Variants in EPHA8 observed in about 807,000 individuals in gnomAD.
EPHA8 encodes ephrin type-A receptor 8.
In EPHA8, 58 loss-of-function variants were observed where a neutral mutation model predicts 103.6. The observed-to-expected ratio is 0.56, with a 90% CI of 0.45 to 0.70. The LOEUF is 0.70. Among genes scored for constraint, EPHA8 ranks in the 30% least tolerant of loss-of-function variants. The probability of loss-of-function intolerance (pLI) is 0.00; values close to 1 mark genes in which losing one functional copy is unlikely to be tolerated. For synonymous variants in EPHA8, 559 were observed against 572.5 expected (o/e 0.98, Z 0.34); for missense variants, 1,304 against 1,395.2 (o/e 0.93, Z 1.04).
chr1:22,601,295 C>T lies in EPHA8; in HGVS notation c.2730-5C>T, dbSNP rs368068168. 2.5e-6 allele frequency: 4 copies of T among 1,593,900 alleles called. No homozygotes were observed. Among genetic ancestry groups the T allele is most frequent in the Admixed American group, 1.9e-5 (1 of 53,232 alleles). The stretch of plus-strand genomic sequence containing the variant: ...GGCCACTTACCAAGAGCCCCTGTGC[C>T]TCAGGTGCCCACCCCCTGCCTTCGT... On this transcript the variant is annotated splice_polypyrimidine_tract_variant and splice_region_variant and intron_variant, in intron 15 of 16. Transcript: ENST00000166244.
chr1:22,596,075 G>A, intron 8 of EPHA8, 31 bp from the exon 9 acceptor site: 1 of 1,611,066 alleles, frequency 6.2e-7, no homozygotes, highest in Non-Finnish European at 8.5e-7. Context: ...GGGTGGCCTG[G>A]CCTCAGGCAG....
chr1:22,579,155 G>A (rs1266726719), intron 3 of EPHA8, among the ~76,000 whole-genome samples: 4 of 150,710 alleles, frequency 2.7e-5, no homozygotes, highest in Non-Finnish European at 5.9e-5. Context: ...ATGTGCAAGA[G>A]TGTATGTATG....
chr1:22,587,661 G>A (rs1050263686), intron 4 of EPHA8, among the ~76,000 whole-genome samples: 1 of 152,214 alleles, frequency 6.6e-6, no homozygotes, highest in Non-Finnish European at 1.5e-5. Context: ...CTGGGCTCTT[G>A]TGGTAGGGCA....
Position 22,589,779 on chromosome 1 carries a change from C to A in EPHA8, c.1315+573C>A, listed in dbSNP as rs2148254480. Among the ~76,000 whole-genome samples the A allele has an allele frequency of 6.6e-6, 1 of 152,202 alleles. No individual in the cohort carries two copies. The highest frequency in any genetic ancestry group is 1.5e-5 in the Non-Finnish European group (1 of 68,004). On this transcript the variant is annotated intron_variant, in intron 5 of 16. Coordinates refer to ENST00000166244, the MANE Select transcript of EPHA8 (RefSeq NM_020526.5). The surrounding 1 kb of genome is among the most constrained non-coding windows in gnomAD (Gnocchi z 4.3). The stretch of plus-strand genomic sequence containing the variant: ...CTCTTTCTTCCCAAACTCTGGAGGA[C>A]CCTGCCCGTCAAGTGACAGCGTGAC...
chr1:22,563,886 G>A lies in EPHA8; in HGVS notation c.94+157G>A, dbSNP rs113298037. Among the ~76,000 whole-genome samples the A allele has an allele frequency of 0.018, 2,665 of 152,108 alleles. 90 individuals carry two copies. The highest frequency in any genetic ancestry group is 0.06 in the African/African-American group (2,488 of 41,504). On this transcript the variant is annotated intron_variant, in intron 1 of 16. Coordinates refer to ENST00000166244, the MANE Select transcript of EPHA8 (RefSeq NM_020526.5). The surrounding 1 kb of genome is among the most constrained non-coding windows in gnomAD (Gnocchi z 4.4). ...GGGGTGGCACCGCGGAAGAGACCCG[G>A]GATTAAGGGACAGAGCGGTGGAGAT...
rs1641546990 is a variant in EPHA8, at chr1:22,597,363, A to G, written c.1817A>G (p.Glu606Gly). ...CATCACCCCCCGGGAAAGCTCCCAG[A>G]GCCCCAGTTCTATGCGGAACCCCAC... Reference protein sequence around the residue: ...PLHHPPGKLPEPQFYAEPHTY... With the variant: ...PLHHPPGKLPGPQFYAEPHTY... The change falls in exon 10 of 17, where the codon GAG (glutamate) becomes GGG (glycine). Residue 606 changes from glutamate to glycine, a missense_variant. Transcript: ENST00000166244. This position sits in a 1 kb window ranked among gnomAD's most constrained non-coding sequence, Gnocchi z 4.6. 1 of 1,612,560 alleles carries G rather than the reference A, an allele frequency of 6.2e-7. No individual in the cohort carries two copies. The highest frequency in any genetic ancestry group is 2.2e-5 in the East Asian group (1 of 44,852).
At chr1:22,579,310 A>C (rs1389730589) in intron 3 of EPHA8, among the ~76,000 whole-genome samples, 1 of 145,526 alleles carries the variant, frequency 6.9e-6, no homozygotes, top group Admixed American at 6.8e-5. Context: ...TGTGTACATG[A>C]GTGTATATAT....
In EPHA8 at chr1:22,600,790, T is replaced by C; in HGVS notation, c.2518T>C (p.Trp840Arg). 1 of 1,609,720 alleles carries C rather than the reference T, an allele frequency of 6.2e-7. No individual in the cohort carries two copies. The highest frequency in any genetic ancestry group is 1.1e-5 in the South Asian group (1 of 90,398). ...GCTGGCCTATGGGGAGCGGCCCTAC[T>C]GGAACATGACCAACCGGGATGTGAG... is the stretch of plus-strand genomic sequence containing the variant. ...EVLAYGERPY[W>R]NMTNRDVISS... Residue 840 changes from tryptophan (W) to arginine (R), a missense_variant, in exon 14 of 17, where the codon TGG becomes CGG. Coordinates refer to ENST00000166244, the MANE Select transcript of EPHA8 (RefSeq NM_020526.5).
chr1:22,586,391 C>T, intron 3 of EPHA8, 89 bp from the exon 4 acceptor site: 1 of 1,496,964 alleles, frequency 6.7e-7, no homozygotes, highest in Non-Finnish European at 9.1e-7. Context: ...GGGCACCCCC[C>T]AGGAAGCTGT....
chr1:22,585,802 C>A (rs184019628), intron 3 of EPHA8, among the ~76,000 whole-genome samples: 1 of 152,138 alleles, frequency 6.6e-6, no homozygotes, highest in Admixed American at 6.5e-5. Flanking sequence ...GAGAAGCCTG[C>A]GCTTCTTGGA....
rs767194142 is a variant in EPHA8, at chr1:22,576,520, A to G, written c.463A>G (p.Thr155Ala). The stretch of plus-strand genomic sequence containing the variant: ...CACCATTGCGGCCGACGAGAGCTTC[A>G]CAGGTGCCGACCTTGGTGTGCGGCG... Reference protein sequence around the residue: ...IDTIAADESFTGADLGVRRLK... With the variant: ...IDTIAADESFAGADLGVRRLK... Residue 155 changes from threonine (T) to alanine (A), a missense_variant, in exon 3 of 17, where the codon ACA (threonine) becomes GCA (alanine). Physicochemically the swap from Thr to Ala is moderately conservative, Grantham distance 58 (BLOSUM62 0). Coordinates refer to ENST00000166244, the MANE Select transcript of EPHA8 (RefSeq NM_020526.5). The surrounding 1 kb of genome is among the most constrained non-coding windows in gnomAD (Gnocchi z 4.8). 2 of 1,614,028 alleles carry G rather than the reference A, an allele frequency of 1.2e-6. No homozygotes were observed. The highest frequency in any genetic ancestry group is 2.7e-5 in the African/African-American group (2 of 74,918).
At chr1:22,594,931 G>A (rs929216618) in intron 7 of EPHA8, among the ~76,000 whole-genome samples, 2 of 152,210 alleles carry the variant, frequency 1.3e-5, no homozygotes, top group Non-Finnish European at 2.9e-5. Flanking sequence ...GGGAGGACAG[G>A]CATTTATTGG....
At chr1:22,572,823 G>A (rs370763254) in intron 2 of EPHA8, among the ~76,000 whole-genome samples, 1 of 152,202 alleles carries the variant, frequency 6.6e-6, no homozygotes, top group Admixed American at 6.5e-5. Flanking sequence ...CACCCATCAC[G>A]GGGTGGGGGT....
intron 5 of EPHA8, among the ~76,000 whole-genome samples, chr1:22,590,042 G>T (rs757805370): frequency 2.6e-5 from 4 of 152,186 alleles, no homozygotes; most frequent in African/African-American, 4.8e-5. Context: ...AGTGAAGCAG[G>T]TCCCCCCACT....
rs1484970463 is a variant in EPHA8, at chr1:22,602,567, C to T, written c.*826C>T. 1.3e-5 allele frequency: 2 copies of T among 152,916 alleles called. No homozygotes were observed. Among genetic ancestry groups the T allele is most frequent in the African/African-American group, 4.8e-5 (2 of 41,464 alleles). 9.5% of individuals were successfully genotyped at this position (152,916 alleles called of 1,614,324 possible). A position where few individuals can be genotyped will look rare whatever the true frequency, so the allele number is the denominator to read the frequency against. On this transcript the variant is annotated 3_prime_UTR_variant, in exon 17 of 17. Transcript: ENST00000166244. The stretch of plus-strand genomic sequence containing the variant: ...AGCACATGAGATGTCCTCAGCTGGG[C>T]TTGGCTGCCTGGCCAGGGCCGGGGG...
Position 22,589,423 on chromosome 1 carries a change from C to A in EPHA8, c.1315+217C>A. The A allele has an allele frequency of 6.7e-7, 1 of 1,500,416 alleles. No individual in the cohort carries two copies. The highest frequency in any genetic ancestry group is 1.4e-5 in the South Asian group (1 of 73,020). The allele number at this position is 1,500,416 out of a possible 1,614,324, so 92.9% of individuals were successfully genotyped here. ...ATAAGTAAGAGAAATCCCAAAAGCTCAGAGGCAGGCTAGTGTGGCCGTCGA... is the reference window on the plus strand; with the variant it reads ...ATAAGTAAGAGAAATCCCAAAAGCTAAGAGGCAGGCTAGTGTGGCCGTCGA... On this transcript the variant is annotated intron_variant, in intron 5 of 16. Coordinates refer to ENST00000166244, the MANE Select transcript of EPHA8 (RefSeq NM_020526.5). This position sits in a 1 kb window ranked among gnomAD's most constrained non-coding sequence, Gnocchi z 4.3.
chr1:22,573,087 T>C (rs1640587366), intron 2 of EPHA8, among the ~76,000 whole-genome samples: 1 of 152,214 alleles, frequency 6.6e-6, no homozygotes, highest in Admixed American at 6.5e-5. Flanking sequence ...GATGTGACGC[T>C]GTGCTGCTTG....
Position 22,597,800 on chromosome 1 carries a change from G to A in EPHA8, c.2055G>A (p.Ala685=), listed in dbSNP as rs201370742. 68 of 1,613,006 alleles carry A rather than the reference G, an allele frequency of 4.2e-5. No homozygotes were observed. The highest frequency in any genetic ancestry group is 1.1e-4 in the East Asian group (5 of 44,882). Residue 685 remains alanine, a synonymous_variant, in exon 11 of 17, where the codon GCG becomes GCA. Transcript: ENST00000166244. This position sits in a 1 kb window ranked among gnomAD's most constrained non-coding sequence, Gnocchi z 4.6. ...ERQRRDFLSE[A]SIMGQFDHPN... is the part of the protein sequence containing the mutation. ...AGAGGCGGGACTTCCTGAGCGAGGC[G>A]TCCATCATGGGGCAATTCGACCATC...
rs145167791 is a variant in EPHA8, at chr1:22,600,462, G to A, written c.2389-199G>A. 5.3e-5 allele frequency among the ~76,000 whole-genome samples: 8 copies of A among 152,112 alleles called. No individual in the cohort carries two copies. The South Asian group carries it at 1.0e-3, about 20-fold the overall frequency. The stretch of plus-strand genomic sequence containing the variant: ...GGCCGAGCATCTGCTTGTACCAGGC[G>A]TCTCACTCCCTCCTTCCTTCGTCTC... On this transcript the variant is annotated intron_variant, in intron 13 of 16. Transcript: ENST00000166244.
Sources: allele counts gnomAD v4.1 joint callset (sites outside exome capture counted in the v4.1 genomes callset), GRCh38; gene constraint gnomAD v4.1.1; non-coding constraint Gnocchi (gnomAD v3.1); transcripts MANE v1.5; gene names NCBI Gene and HGNC (gene_info 2026-07-23, HGNC 2026-07-21).